CC2D2A: variants seen among roughly 807,000 people sequenced by gnomAD.
CC2D2A encodes coiled-coil and C2 domain-containing protein 2A.
In CC2D2A, 155 loss-of-function variants were observed where a neutral mutation model predicts 212.9. The observed-to-expected ratio is 0.73, with a 90% CI of 0.64 to 0.83. The LOEUF is 0.83. CC2D2A is among the 40% of genes least tolerant of loss of function. The pLI is 0.00. For missense variants in CC2D2A, 1,856 were observed against 1,956.2 expected, an observed-to-expected ratio of 0.95 and a Z score of 0.97; for synonymous variants, 667 against 686.5, an observed-to-expected ratio of 0.97 and a Z score of 0.44.
intron 6 of CC2D2A, among the ~76,000 whole-genome samples, chr4:15,506,750 A>G (rs1217263316): frequency 6.6e-6 from 1 of 152,154 alleles, no homozygotes; most frequent in African/African-American, 2.4e-5. Context: ...GACCAAGCAC[A>G]GGAATCTGAT....
intron 35 of CC2D2A, among the ~76,000 whole-genome samples, chr4:15,598,627 C>T (rs930110406): frequency 6.6e-6 from 1 of 152,150 alleles, no homozygotes; most frequent in African/African-American, 2.4e-5. Context: ...GAACCCAATA[C>T]CTGTACTTAT....
Position 15,478,777 on chromosome 4 carries a change from A to G in CC2D2A, c.94A>G (p.Lys32Glu), listed in dbSNP as rs2108970055. 1 of 1,554,722 alleles carries G rather than the reference A, an allele frequency of 6.4e-7. No individual in the cohort carries two copies. The highest frequency in any genetic ancestry group is 1.2e-5 in the South Asian group (1 of 84,132). ...CATGGGAAGACAGAATAAGAACTCA[A>G]AGGTTCGAAGACAGCCAAGAAAGAA... Reference protein sequence around the residue: ...ADMGRQNKNSKVRRQPRKKQP... With the variant: ...ADMGRQNKNSEVRRQPRKKQP... Residue 32 changes from lysine (K) to glutamate (E), a missense_variant, in exon 3 of 37, where the codon AAG (lysine) becomes GAG (glutamate). Coordinates refer to ENST00000424120, the MANE Select transcript of CC2D2A (RefSeq NM_001378615.1).
At chr4:15,486,332 T>C (rs1219186188) in intron 4 of CC2D2A, among the ~76,000 whole-genome samples, 1 of 152,096 alleles carries the variant, frequency 6.6e-6, no homozygotes, top group Non-Finnish European at 1.5e-5. Context: ...TTCTATCTCA[T>C]TACTTGTTTT....
At chr4:15,567,879 T>C in intron 26 of CC2D2A, 93 bp downstream of exon 26, 1 of 866,646 alleles carries the variant, frequency 1.2e-6, no homozygotes. Flanking sequence ...TGAAGGATTT[T>C]GTAGCTAGTG....
chr4:15,479,469 G>T (rs1577310321), intron 3 of CC2D2A: 1 of 714,680 alleles, frequency 1.4e-6, no homozygotes, highest in East Asian at 2.7e-5. Context: ...GCAGTCACGT[G>T]AAGGGGCTGC....
At chr4:15,590,891 CT>C (rs1461606583) in intron 33 of CC2D2A, among the ~76,000 whole-genome samples, 1 of 152,110 alleles carries the variant, frequency 6.6e-6, no homozygotes, top group African/African-American at 2.4e-5. Context: ...CACGTGCCAC[CT>C]TGCCTGGCTA....
intron 19 of CC2D2A, 47 bp from the exon 20 acceptor site, chr4:15,555,025 C>A: frequency 1.3e-6 from 2 of 1,575,540 alleles, no homozygotes; most frequent in Non-Finnish European, 1.7e-6. Flanking sequence ...CTGATGCAAA[C>A]TGTTCTGTGG....
At chr4:15,516,120 C>T (rs906859774) in intron 10 of CC2D2A, 116 bp downstream of exon 10, 2 of 1,084,760 alleles carry the variant, frequency 1.8e-6, no homozygotes, top group Non-Finnish European at 1.2e-6. Context: ...AGGTTATCCA[C>T]AGAAAGTGGT....
At chr4:15,588,496 T>G (rs1016598795) in intron 32 of CC2D2A, among the ~76,000 whole-genome samples, 1 of 152,204 alleles carries the variant, frequency 6.6e-6, no homozygotes, top group Non-Finnish European at 1.5e-5. Context: ...CAAATATCCC[T>G]ACATTTGTGA....
chr4:15,524,447 AT>A (rs71179636), intron 11 of CC2D2A, among the ~76,000 whole-genome samples: 13,068 of 89,888 alleles, frequency 0.15, 585 homozygotes, highest in African/African-American at 0.24. Flanking sequence ...AAAATTTTTA[AT>A]TTTTTTTTTT....
At chr4:15,586,626 A>G (rs1223902802) in intron 31 of CC2D2A, among the ~76,000 whole-genome samples, 1 of 152,172 alleles carries the variant, frequency 6.6e-6, no homozygotes, top group African/African-American at 2.4e-5. Flanking sequence ...ATTATTATTT[A>G]TTCAGTATGT....
intron 4 of CC2D2A, among the ~76,000 whole-genome samples, chr4:15,486,138 T>C (rs1394404813): frequency 6.6e-6 from 1 of 152,044 alleles, no homozygotes; most frequent in Non-Finnish European, 1.5e-5. Flanking sequence ...TGTTATGTCT[T>C]TGTCTGGTTT....
rs113835820 is a variant in CC2D2A at position 15,553,294 on chromosome 4, C to T, written c.2475C>T (p.Ile825=). The part of the protein sequence containing the change: ...PLIPPLSQQN[I]GFRSALKKAD... ...TTCCTCCATTGTCACAGCAGAACAT[C>T]GGATTTCGGAGGTAATACATGGCAA... Residue 825 remains isoleucine, a synonymous_variant, in exon 19 of 37, where the codon ATC becomes ATT. Transcript: ENST00000424120. 4.8e-4 allele frequency: 774 copies of T among 1,612,204 alleles called. 6 individuals are homozygous for T. In the African/African-American group the frequency reaches 8.0e-3, roughly 17 times the overall value.
intron 4 of CC2D2A, chr4:15,481,807 AG>A: frequency 1.0e-6 from 1 of 985,394 alleles, no homozygotes. Flanking sequence ...TTAAATATGC[AG>A]AAACTCAAAG....
At chr4:15,470,660 T>C (rs1274035892) in intron 1 of CC2D2A, among the ~76,000 whole-genome samples, 2 of 65,612 alleles carry the variant, frequency 3.0e-5, no homozygotes, top group Non-Finnish European at 5.6e-5. Context: ...TCTCTCTCTC[T>C]CTCTCTCTCT....
At chr4:15,562,338 C>T (rs1307529496) in intron 23 of CC2D2A, among the ~76,000 whole-genome samples, 2 of 152,268 alleles carry the variant, frequency 1.3e-5, no homozygotes, top group African/African-American at 4.8e-5. Flanking sequence ...CTGTTTCACA[C>T]AGCCATTAAC....
At chr4:15,472,155 C>T (rs1713872904) in intron 1 of CC2D2A, among the ~76,000 whole-genome samples, 1 of 152,190 alleles carries the variant, frequency 6.6e-6, no homozygotes, top group Non-Finnish European at 1.5e-5. Context: ...TCAGGAATCA[C>T]AGAGTCTTGG....
chr4:15,566,216 G>A (rs139489379), intron 24 of CC2D2A, among the ~76,000 whole-genome samples: 109 of 152,304 alleles, frequency 7.2e-4, no homozygotes, highest in Non-Finnish European at 1.4e-3. Context: ...AGGGAGAAGA[G>A]GATAAGACTC....
At position 15,527,669 on chromosome 4, in the gene CC2D2A, T is replaced by G; in HGVS notation, c.1359+13T>G. The G allele has an allele frequency of 6.4e-7, 1 of 1,574,310 alleles. No individual in the cohort carries two copies. Among genetic ancestry groups the G allele is most frequent in the South Asian group, 1.2e-5 (1 of 86,366 alleles). On this transcript the variant is annotated intron_variant, in intron 12 of 36. Transcript: ENST00000424120. Reference sequence around the variant, plus strand: ...TCTTACTGATAAGGTACATGTGATTTCTTCCATAATGATTGTCAATGGAGT... The same window carrying G: ...TCTTACTGATAAGGTACATGTGATTGCTTCCATAATGATTGTCAATGGAGT...
Sources: allele counts gnomAD v4.1 joint callset (sites outside exome capture counted in the v4.1 genomes callset), GRCh38; gene constraint gnomAD v4.1.1; transcripts MANE v1.5; gene names NCBI Gene and HGNC (gene_info 2026-07-23, HGNC 2026-07-21).